Variants in SFSWAP observed in about 807,000 individuals in gnomAD.
SFSWAP encodes splicing factor SWAP.
In SFSWAP, 17 loss-of-function variants were observed where a neutral mutation model predicts 100.7. That is an observed-to-expected ratio of 0.17 (90% CI 0.12 to 0.25). SFSWAP has a LOEUF of 0.25. Ranked by LOEUF, SFSWAP falls within the 10% of genes least tolerant of loss-of-function variation. The pLI, the probability that SFSWAP is intolerant of heterozygous loss-of-function variation, is 1.00. For missense variants in SFSWAP, 1,005 were observed against 1,262.6 expected (o/e 0.80, Z 3.09); for synonymous variants, 504 against 510.1 (o/e 0.99, Z 0.16).
At chr12:131,775,514 A>G (rs1883951577) in intron 13 of SFSWAP, among the ~76,000 whole-genome samples, 1 of 152,170 alleles carries the variant, frequency 6.6e-6, no homozygotes, top group South Asian at 2.1e-4. Flanking sequence ...GTGTCCACCC[A>G]GGGCTCGCCT....
Position 131,753,069 on chromosome 12 carries a change from C to G in SFSWAP, c.1082-54C>G, listed in dbSNP as rs1881800639. 6 of 1,602,824 alleles carry G rather than the reference C, an allele frequency of 3.7e-6. No homozygotes were observed. The Admixed American group carries it at 1.0e-4, about 27-fold the overall frequency. On this transcript the variant is annotated intron_variant, in intron 7 of 17. Coordinates refer to ENST00000261674, the MANE Select transcript of SFSWAP (RefSeq NM_004592.4). ...GGCTCTTGTGGCTGCATTGTGGACT[C>G]ATGGACCAGCCTGTGGCCGGCCATG...
At chr12:131,797,392 G>A in intron 16 of SFSWAP, 32 bp downstream of exon 16, 1 of 1,573,886 alleles carries the variant, frequency 6.4e-7, no homozygotes, top group Non-Finnish European at 8.7e-7. Flanking sequence ...CTCTCTCTGG[G>A]GAAAGGCAAG....
intron 3 of SFSWAP, among the ~76,000 whole-genome samples, chr12:131,718,777 G>A (rs1324216014): frequency 2.0e-5 from 3 of 152,192 alleles, no homozygotes; most frequent in African/African-American, 7.2e-5. Context: ...ACCTGAAAGA[G>A]CAGCGGAGGG....
chr12:131,728,540 C>T, intron 7 of SFSWAP, 112 bp downstream of exon 7: 1 of 1,205,628 alleles, frequency 8.3e-7, no homozygotes, highest in South Asian at 1.5e-5. Flanking sequence ...AGTATGGAAG[C>T]AGGCGGCCCA....
intron 11 of SFSWAP, among the ~76,000 whole-genome samples, chr12:131,761,902 T>C (rs1357597653): frequency 6.6e-6 from 1 of 152,164 alleles, no homozygotes; most frequent in East Asian, 1.9e-4. Flanking sequence ...GCCTGTGGGC[T>C]GTGTGCCATA....
At chr12:131,786,140 G>T (rs982513985) in intron 14 of SFSWAP, among the ~76,000 whole-genome samples, 5 of 152,188 alleles carry the variant, frequency 3.3e-5, no homozygotes, top group Non-Finnish European at 7.3e-5. Flanking sequence ...TGGCTCATGG[G>T]GAATTGGTTG....
At chr12:131,773,233 G>A (rs912094057) in intron 13 of SFSWAP, among the ~76,000 whole-genome samples, 14 of 152,266 alleles carry the variant, frequency 9.2e-5, no homozygotes, top group East Asian at 3.9e-4. Flanking sequence ...GTGTGTGTTC[G>A]TAATCCAGGA....
chr12:131,754,266 A>G (rs1593151301), intron 8 of SFSWAP, 102 bp from the exon 9 acceptor site: 1 of 852,764 alleles, frequency 1.2e-6, no homozygotes, highest in East Asian at 3.0e-5. Flanking sequence ...TATAACTCAC[A>G]TGTCTCTCCG....
rs34541796 is a variant in SFSWAP at position 131,755,465 on chromosome 12, G to T, written c.1534G>T (p.Gly512Cys). 6.2e-7 allele frequency: 1 copy of T among 1,612,868 alleles called. No homozygotes were observed. ...GCAGTTCTTCCTCCAGAAAGAAGGG[G>T]GCGATAGCATGCAGGTACGTGTCTG... ...KKQFFLQKEG[G>C]DSMQAVSAPE... Residue 512 changes from glycine to cysteine, a missense_variant, in exon 10 of 18, where the codon GGC (glycine) becomes TGC (cysteine). By Grantham distance (159) the Gly-to-Cys change is radical. Transcript: ENST00000261674.
intron 14 of SFSWAP, among the ~76,000 whole-genome samples, 179 bp from the exon 15 acceptor site, chr12:131,786,284 C>A (rs1470343088): frequency 6.6e-6 from 1 of 152,120 alleles, no homozygotes; most frequent in Non-Finnish European, 1.5e-5. Context: ...GGTTTCAGTT[C>A]GTTGTCGGTA....
chr12:131,732,949 C>T (rs113422707), intron 7 of SFSWAP, among the ~76,000 whole-genome samples: 7 of 152,136 alleles, frequency 4.6e-5, no homozygotes, highest in African/African-American at 1.4e-4. Flanking sequence ...TGGAAAAGGG[C>T]GGGGCTAGTG....
chr12:131,755,560 TCTC>T (rs1469399855), intron 10 of SFSWAP, 81 bp downstream of exon 10: 7 of 959,744 alleles, frequency 7.3e-6, no homozygotes, highest in South Asian at 4.2e-5. Flanking sequence ...TTCTGTTTCT[TCTC>T]CTACAGGTGA....
At chr12:131,751,032 T>A (rs972156940) in intron 7 of SFSWAP, among the ~76,000 whole-genome samples, 4 of 152,198 alleles carry the variant, frequency 2.6e-5, no homozygotes, top group African/African-American at 9.7e-5. Context: ...CTCTGAGCAG[T>A]CTGCCATTTT....
intron 8 of SFSWAP, among the ~76,000 whole-genome samples, chr12:131,753,942 A>G (rs1881904836): frequency 6.6e-6 from 1 of 152,154 alleles, no homozygotes; most frequent in African/African-American, 2.4e-5. Context: ...ACTCCTGGGA[A>G]ATGGAATGAA....
intron 7 of SFSWAP, among the ~76,000 whole-genome samples, chr12:131,740,640 C>T (rs1880515597): frequency 6.6e-6 from 1 of 152,174 alleles, no homozygotes; most frequent in African/African-American, 2.4e-5. Context: ...CTTTGGCACT[C>T]AGCAGGACTG....
intron 7 of SFSWAP, among the ~76,000 whole-genome samples, chr12:131,751,339 C>T (rs1881604421): frequency 6.6e-6 from 1 of 152,222 alleles, no homozygotes; most frequent in Non-Finnish European, 1.5e-5. Context: ...CAGTTTAAAA[C>T]ATGTTTGGAC....
intron 8 of SFSWAP, 29 bp from the exon 9 acceptor site, chr12:131,754,339 C>A: frequency 6.7e-7 from 1 of 1,486,982 alleles, no homozygotes; most frequent in South Asian, 1.4e-5. Context: ...CCCTGAAGCC[C>A]AGGGGTCTCA....
chr12:131,728,188 T>C (rs1879167229), intron 6 of SFSWAP, 105 bp from the exon 7 acceptor site: 1 of 1,344,696 alleles, frequency 7.4e-7, no homozygotes, highest in Non-Finnish European at 1.0e-6. Flanking sequence ...TGTGTGTTTT[T>C]TCTAAGGCAT....
At chr12:131,776,589 G>T (rs900855748) in intron 13 of SFSWAP, among the ~76,000 whole-genome samples, 2 of 152,332 alleles carry the variant, frequency 1.3e-5, no homozygotes, top group African/African-American at 2.4e-5. Flanking sequence ...CGGACCTAAG[G>T]AGAGGAAAGA....
Sources: gnomAD v4.1 joint callset for allele counts (sites outside exome capture counted in the v4.1 genomes callset) on GRCh38, gnomAD v4.1.1 for gene constraint, MANE v1.5 for transcripts, NCBI Gene and HGNC (gene_info 2026-07-23, HGNC 2026-07-21) for gene names.